Variants in UEVLD observed in about 807,000 individuals in gnomAD.
UEVLD encodes the protein UEV and lactate/malate dehyrogenase domains.
UEVLD carries 47 observed loss-of-function variants against 58.6 expected under a neutral mutation model. That is an observed-to-expected ratio of 0.80 (90% CI 0.63 to 1.02). UEVLD has a LOEUF of 1.02. UEVLD is among the 50% of genes least tolerant of loss of function. The pLI is 0.00. For missense variants in UEVLD, 510 were observed against 550.6 expected (o/e 0.93, Z 0.74); for synonymous variants, 197 against 195.3 (o/e 1.01, Z -0.07).
intron 6 of UEVLD, among the ~76,000 whole-genome samples, chr11:18,563,468 G>A (rs1360539089): frequency 2.0e-5 from 3 of 152,130 alleles, no homozygotes; most frequent in Non-Finnish European, 4.4e-5. Context: ...GCTGGCGCCT[G>A]TAAGCCCAGC....
chr11:18,562,889 A>C (rs1329209410), intron 6 of UEVLD, among the ~76,000 whole-genome samples: 2 of 151,664 alleles, frequency 1.3e-5, no homozygotes, highest in Non-Finnish European at 2.9e-5. Flanking sequence ...CTACAAAAAA[A>C]CTAAAAATTA....
chr11:18,545,255 T>C lies in UEVLD; in HGVS notation c.887-459A>G, dbSNP rs186579241. Among the ~76,000 whole-genome samples, 742 of 151,812 alleles carry C rather than the reference T, an allele frequency of 4.9e-3. 6 individuals are homozygous for C. The highest frequency in any genetic ancestry group is 0.017 in the African/African-American group (718 of 41,388). On this transcript the variant is annotated intron_variant, in intron 8 of 11. Coordinates refer to ENST00000396197, the MANE Select transcript of UEVLD (RefSeq NM_001040697.4). ...GCCCAGTTAATTTTTGTATTTTTGGTAGAGACGGGGTTTCACCATGTTGGC... is the reference window on the plus strand; with the variant it reads ...GCCCAGTTAATTTTTGTATTTTTGGCAGAGACGGGGTTTCACCATGTTGGC...
chr11:18,585,489 C>A (rs1478437383), intron 1 of UEVLD, among the ~76,000 whole-genome samples: 3 of 152,164 alleles, frequency 2.0e-5, no homozygotes, highest in African/African-American at 7.2e-5. Flanking sequence ...CATTTCCAAA[C>A]ATGTGTGACT....
chr11:18,545,072 A>T (rs1254970949), intron 8 of UEVLD, among the ~76,000 whole-genome samples: 8 of 44,888 alleles, frequency 1.8e-4, no homozygotes, highest in South Asian at 1.3e-3. Context: ...ATCTATATCT[A>T]TATTTTTTTT....
At chr11:18,587,794 C>T (rs1168740005) in intron 1 of UEVLD, 1 of 145,602 alleles carries the variant, frequency 6.9e-6, no homozygotes, top group African/African-American at 2.5e-5. Flanking sequence ...CAGAGCAAGA[C>T]TCTGTCAAAA....
chr11:18,550,416 A>G lies in UEVLD; in HGVS notation c.716-3366T>C, dbSNP rs538585841. On this transcript the variant is annotated intron_variant, in intron 7 of 11. Coordinates refer to ENST00000396197, the MANE Select transcript of UEVLD (RefSeq NM_001040697.4). The stretch of plus-strand genomic sequence containing the variant: ...CTCAAATTCTCACTGCACTCACCAC[A>G]TGTTTGACAAACATCTGCTTAACTG... 3.5e-4 allele frequency among the ~76,000 whole-genome samples: 53 copies of G among 152,194 alleles called. 2 individuals carry two copies. The highest frequency in any genetic ancestry group is 1.0e-4 in the Non-Finnish European group (7 of 67,966).
intron 3 of UEVLD, among the ~76,000 whole-genome samples, chr11:18,571,580 C>T (rs1852614701): frequency 6.6e-6 from 1 of 152,208 alleles, no homozygotes; most frequent in African/African-American, 2.4e-5. Flanking sequence ...TCCTACCCTG[C>T]ACATCTAGCT....
At position 18,553,806 on chromosome 11, in the gene UEVLD, AACAG is replaced by A. The variant is rs556397450; in HGVS notation, c.715+4418_715+4421del. Reference sequence around the variant, plus strand: ...TTAGCTAGTAGAGGAAAATCCACAGAACAGACAGATTAGTAGTTGCCAGAACCTG... The same window carrying A: ...TTAGCTAGTAGAGGAAAATCCACAGAACAGATTAGTAGTTGCCAGAACCTG... On this transcript the variant is annotated intron_variant, in intron 7 of 11. Transcript: ENST00000396197. Among the ~76,000 whole-genome samples the A allele has an allele frequency of 1.4e-4, 21 of 152,320 alleles. No homozygotes were observed. In the East Asian group the frequency reaches 3.9e-3, roughly 28 times the overall value.
In UEVLD at chr11:18,532,381, G is replaced by A. The variant is rs201262176; in HGVS notation, c.1355C>T (p.Thr452Ile). 2 of 1,613,652 alleles carry A rather than the reference G, an allele frequency of 1.2e-6. No homozygotes were observed. Among genetic ancestry groups the A allele is most frequent in the East Asian group, 2.2e-5 (1 of 44,798 alleles). Residue 452 changes from threonine (T) to isoleucine (I), a missense_variant, in exon 12 of 12, where the codon ACT becomes ATT. Transcript: ENST00000396197. ...IKTTLKEDTVTEKLQSSASSI... is the reference protein window; with the variant it reads ...IKTTLKEDTVIEKLQSSASSI... ...GGATGCACTGCTTTGGAGTTTCTCA[G>A]TAACTGTATCTTCTTTCAGTGTGGT...
At chr11:18,582,757 C>T (rs1033921508) in intron 1 of UEVLD, among the ~76,000 whole-genome samples, 2 of 152,138 alleles carry the variant, frequency 1.3e-5, no homozygotes, top group Non-Finnish European at 2.9e-5. Flanking sequence ...TCAAGCAGTG[C>T]CATGTGCTTA....
At chr11:18,577,591 C>T (rs879388240) in intron 2 of UEVLD, among the ~76,000 whole-genome samples, 1 of 152,172 alleles carries the variant, frequency 6.6e-6, no homozygotes, top group African/African-American at 2.4e-5. Context: ...AGCCCATGGT[C>T]GGGCACAGTG....
intron 7 of UEVLD, among the ~76,000 whole-genome samples, chr11:18,550,595 T>G (rs1851483113): frequency 6.6e-6 from 1 of 152,190 alleles, no homozygotes; most frequent in Non-Finnish European, 1.5e-5. Context: ...AACCAGCAAC[T>G]ATCTCAATCC....
chr11:18,541,566 G>A (rs1270098475), intron 9 of UEVLD, among the ~76,000 whole-genome samples: 1 of 152,096 alleles, frequency 6.6e-6, no homozygotes, highest in African/African-American at 2.4e-5. Flanking sequence ...TTTAAATAAG[G>A]AGAAGGTCAC....
chr11:18,572,556 G>A (rs1252254723), intron 3 of UEVLD, among the ~76,000 whole-genome samples: 1 of 152,210 alleles, frequency 6.6e-6, no homozygotes, highest in African/African-American at 2.4e-5. Flanking sequence ...TGTAATCCCA[G>A]CACTTCGGGA....
At chr11:18,560,063 CTGGGCAACA>C (rs1329413329) in intron 6 of UEVLD, among the ~76,000 whole-genome samples, 16 of 120,566 alleles carry the variant, frequency 1.3e-4, no homozygotes, top group African/African-American at 4.7e-4. Flanking sequence ...TCAGACCAGC[CTGGGCAACA>C]TGGCAAAACC....
chr11:18,542,587 ATATTT>A (rs1851101497), intron 9 of UEVLD, among the ~76,000 whole-genome samples: 1 of 152,170 alleles, frequency 6.6e-6, no homozygotes, highest in Admixed American at 6.5e-5. Context: ...AAATACTGTT[ATATTT>A]TATTAAAATG....
chr11:18,530,084 A>G lies in UEVLD; in HGVS notation c.*2236T>C, dbSNP rs973806453. The G allele has an allele frequency of 6.6e-6, 1 of 152,172 alleles. No individual in the cohort carries two copies. Among genetic ancestry groups the G allele is most frequent in the Admixed American group, 6.5e-5 (1 of 15,276 alleles). The allele number at this position is 152,172 out of a possible 1,614,324, so 9.4% of individuals were successfully genotyped here. On this transcript the variant is annotated 3_prime_UTR_variant, in exon 12 of 12. Transcript: ENST00000396197. ...ATTTCTTGGTAATTTATTATACAAT[A>G]TTTTCTGGTTAGATTATTGTTCAAA... is the stretch of plus-strand genomic sequence containing the variant.
intron 4 of UEVLD, among the ~76,000 whole-genome samples, chr11:18,569,582 T>C (rs1389116547): frequency 6.6e-6 from 1 of 152,184 alleles, no homozygotes; most frequent in Admixed American, 6.6e-5. Flanking sequence ...TTAGGGCAAT[T>C]TGTAAATACA....
chr11:18,550,536 A>C (rs574922400), intron 7 of UEVLD, among the ~76,000 whole-genome samples: 2 of 152,312 alleles, frequency 1.3e-5, no homozygotes, highest in East Asian at 3.9e-4. Context: ...TAGCAACTGG[A>C]ACATTTCCCC....
Sources: allele counts gnomAD v4.1 joint callset (sites outside exome capture counted in the v4.1 genomes callset), GRCh38; gene constraint gnomAD v4.1.1; transcripts MANE v1.5; gene names NCBI Gene and HGNC (gene_info 2026-07-23, HGNC 2026-07-21).